CSMD3: variants seen among roughly 807,000 people sequenced by gnomAD.
The protein encoded by CSMD3 is CUB and Sushi multiple domains 3.
A neutral mutation model predicts 435.2 loss-of-function variants in CSMD3; 177 were observed. That is an observed-to-expected ratio of 0.41 (90% confidence interval 0.36 to 0.46). The LOEUF is 0.46. Ranked by LOEUF, CSMD3 falls within the 20% of genes least tolerant of loss-of-function variation. The probability of loss-of-function intolerance (pLI) is 0.34; values close to 1 mark genes in which losing one functional copy is unlikely to be tolerated. For missense variants in CSMD3, 4,265 were observed against 4,504.6 expected (o/e 0.95, Z 1.52); for synonymous variants, 1,656 against 1,520.5 (o/e 1.09, Z -2.07).
intron 30 of CSMD3, among the ~76,000 whole-genome samples, chr8:112,496,298 C>T (rs1455594030): frequency 3.9e-5 from 6 of 152,060 alleles, no homozygotes; most frequent in Non-Finnish European, 7.4e-5. Flanking sequence ...AAGGCAATAA[C>T]AAATACTGGT....
intron 1 of CSMD3, among the ~76,000 whole-genome samples, chr8:113,396,283 A>C (rs897460016): frequency 5.3e-5 from 8 of 152,204 alleles, no homozygotes; most frequent in African/African-American, 1.9e-4. Flanking sequence ...AGAACTGTGG[A>C]TAATACATGT....
intron 12 of CSMD3, among the ~76,000 whole-genome samples, chr8:112,824,612 A>G (rs2079623339): frequency 1.3e-5 from 2 of 152,134 alleles, no homozygotes; most frequent in South Asian, 4.1e-4. Flanking sequence ...TCTTTTCTTT[A>G]AGAATGTTGA....
At position 112,666,248 on chromosome 8, in the gene CSMD3, T is replaced by C. The variant is rs757836413; in HGVS notation, c.2816+29A>G. On this transcript the variant is annotated intron_variant, in intron 17 of 70. Transcript: ENST00000297405. Reference sequence around the variant, plus strand: ...AACTAATCTTTTAGATAATATTTTCTTTAAAAGTAGGAAAAATATTTGTGA... The same window carrying C: ...AACTAATCTTTTAGATAATATTTTCCTTAAAAGTAGGAAAAATATTTGTGA... 9 of 1,553,206 alleles carry C rather than the reference T, an allele frequency of 5.8e-6. No individual in the cohort carries two copies. The South Asian group carries it at 7.9e-5, about 14-fold the overall frequency.
chr8:113,073,589 T>A (rs2089219621), intron 5 of CSMD3, among the ~76,000 whole-genome samples: 1 of 151,844 alleles, frequency 6.6e-6, no homozygotes, highest in South Asian at 2.1e-4. Context: ...CCATGATTAG[T>A]AAAATCCTGT....
At chr8:112,475,340 T>C (rs1818938933) in intron 31 of CSMD3, among the ~76,000 whole-genome samples, 1 of 152,152 alleles carries the variant, frequency 6.6e-6, no homozygotes, top group African/African-American at 2.4e-5. Context: ...TATTTAGAAA[T>C]ATGAAGGCTC....
At chr8:112,863,618 A>G (rs1319342681) in intron 10 of CSMD3, among the ~76,000 whole-genome samples, 1 of 152,034 alleles carries the variant, frequency 6.6e-6, no homozygotes, top group African/African-American at 2.4e-5. Context: ...ATCCATTATT[A>G]TTTATATTTC....
At chr8:113,309,975 A>G (rs1253444334) in intron 2 of CSMD3, 1 of 152,220 alleles carries the variant, frequency 6.6e-6, no homozygotes, top group Non-Finnish European at 1.5e-5. Context: ...GTATAATAAC[A>G]AACTTCTTGT....
chr8:113,036,258 G>A (rs753278819), intron 5 of CSMD3, among the ~76,000 whole-genome samples: 17 of 151,936 alleles, frequency 1.1e-4, no homozygotes, highest in Non-Finnish European at 1.8e-4. Context: ...TGATCAGTGC[G>A]TCTATTCAAG....
intron 1 of CSMD3, among the ~76,000 whole-genome samples, chr8:113,316,530 T>G (rs1332226968): frequency 6.9e-6 from 1 of 144,626 alleles, no homozygotes; most frequent in Non-Finnish European, 1.5e-5. Flanking sequence ...GGAAGCCACT[T>G]CTCTATCAAA....
chr8:112,726,362 A>G (rs2076964353), intron 13 of CSMD3, among the ~76,000 whole-genome samples: 1 of 151,964 alleles, frequency 6.6e-6, no homozygotes, highest in South Asian at 2.1e-4. Context: ...CCAGTGATAT[A>G]CATTAGCATA....
chr8:112,263,858 T>G, intron 60 of CSMD3, 46 bp from the exon 61 acceptor site: 1 of 1,518,694 alleles, frequency 6.6e-7, no homozygotes, highest in Non-Finnish European at 9.1e-7. Context: ...TGAAATATCC[T>G]GAGCCTTAAA....
At chr8:112,300,508 G>A (rs1291177341) in intron 53 of CSMD3, among the ~76,000 whole-genome samples, 1 of 151,702 alleles carries the variant, frequency 6.6e-6, no homozygotes, top group Non-Finnish European at 1.5e-5. Context: ...AATCATTGAA[G>A]TGGCCTCATC....
At chr8:112,968,733 A>G (rs183672277) in intron 7 of CSMD3, among the ~76,000 whole-genome samples, 1 of 152,098 alleles carries the variant, frequency 6.6e-6, no homozygotes, top group East Asian at 1.9e-4. Flanking sequence ...GGGAATAAAC[A>G]CTATGCAATA....
At chr8:113,424,003 A>G (rs547949183) in intron 1 of CSMD3, among the ~76,000 whole-genome samples, 1 of 151,980 alleles carries the variant, frequency 6.6e-6, no homozygotes, top group African/African-American at 2.4e-5. Context: ...GTTAATAGAC[A>G]TTAAATCTGG....
intron 1 of CSMD3, among the ~76,000 whole-genome samples, chr8:113,426,114 A>C (rs900093966): frequency 1.3e-5 from 2 of 151,498 alleles, no homozygotes; most frequent in African/African-American, 2.4e-5. Flanking sequence ...CAGTTTTTCT[A>C]ACTTTGATCC....
At chr8:112,777,873 T>C (rs1240991944) in intron 13 of CSMD3, among the ~76,000 whole-genome samples, 1 of 151,802 alleles carries the variant, frequency 6.6e-6, no homozygotes, top group Non-Finnish European at 1.5e-5. Context: ...TACTTTTTTT[T>C]AACCTAAAAC....
intron 22 of CSMD3, among the ~76,000 whole-genome samples, chr8:112,607,577 T>C (rs1053471930): frequency 3.3e-5 from 5 of 152,022 alleles, no homozygotes; most frequent in African/African-American, 1.2e-4. Context: ...TCAAAAATCC[T>C]AAAAAAATTT....
rs887401571 is a variant in CSMD3, at chr8:112,738,631, C to T, written c.1973-48581G>A. On this transcript the variant is annotated intron_variant, in intron 13 of 70. Transcript: ENST00000297405. ...AAAAATGGTTCTCAATATAATCATGCTATGCAAGTCAAACATGAGAGGAAA... is the reference window on the plus strand; with the variant it reads ...AAAAATGGTTCTCAATATAATCATGTTATGCAAGTCAAACATGAGAGGAAA... Among the ~76,000 whole-genome samples the T allele has an allele frequency of 3.3e-5, 5 of 151,512 alleles. 1 individual carries two copies. In the Admixed American group the frequency reaches 3.3e-4, roughly 10 times the overall value.
intron 2 of CSMD3, chr8:113,311,609 G>A (rs1210368392): frequency 6.6e-6 from 1 of 152,120 alleles, no homozygotes; most frequent in East Asian, 1.9e-4. Context: ...AGAAAACAGT[G>A]AGTCAAACAG....
Sources: allele counts gnomAD v4.1 joint callset (sites outside exome capture counted in the v4.1 genomes callset), GRCh38; gene constraint gnomAD v4.1.1; transcripts MANE v1.5; gene names NCBI Gene and HGNC (gene_info 2026-07-23, HGNC 2026-07-21).